The following TBC1D14 variants were observed in gnomAD, a reference collection of about 807,000 sequenced individuals.
TBC1D14 encodes TBC1 domain family, member 14.
A neutral mutation model predicts 79.0 loss-of-function variants in TBC1D14; 26 were observed. The observed-to-expected ratio is 0.33, with a 90% CI of 0.24 to 0.46. The LOEUF (loss-of-function observed/expected upper bound fraction) is 0.46, where lower values mean the gene tolerates loss of function less well. Among genes scored for constraint, TBC1D14 ranks in the 20% least tolerant of loss-of-function variants. The pLI, the probability that TBC1D14 is intolerant of heterozygous loss-of-function variation, is 1.00. For missense variants in TBC1D14, 769 were observed against 887.6 expected (o/e 0.87, Z 1.70); for synonymous variants, 394 against 349.9 (o/e 1.13, Z -1.40).
intron 2 of TBC1D14, among the ~76,000 whole-genome samples, chr4:6,945,572 A>G (rs1713355510): frequency 6.6e-6 from 1 of 151,976 alleles, no homozygotes; most frequent in South Asian, 2.1e-4. Context: ...AACATGGAGA[A>G]ACCCCGTCTC....
At chr4:7,027,027 A>G (rs1430946003) in intron 13 of TBC1D14, among the ~76,000 whole-genome samples, 2 of 152,196 alleles carry the variant, frequency 1.3e-5, no homozygotes, top group African/African-American at 4.8e-5. Flanking sequence ...CCTGGCCAAG[A>G]TGGTGAAAAC....
intron 12 of TBC1D14, among the ~76,000 whole-genome samples, chr4:7,017,708 C>T (rs1553873883): frequency 6.6e-6 from 1 of 152,204 alleles, no homozygotes; most frequent in Non-Finnish European, 1.5e-5. Flanking sequence ...GAAGTGCTGA[C>T]TGTGTTCTAG....
chr4:6,992,294 C>G (rs184947744), intron 3 of TBC1D14, among the ~76,000 whole-genome samples: 2 of 152,236 alleles, frequency 1.3e-5, no homozygotes, highest in Non-Finnish European at 2.9e-5. Context: ...GTGTAGGACT[C>G]GGGCTTTCCC....
At chr4:6,987,088 T>G in intron 3 of TBC1D14, 363 of 388,534 alleles carry the variant, frequency 9.3e-4, no homozygotes, top group East Asian at 4.0e-3. Context: ...GCCCCGCCCC[T>G]TGTGCCCGCC....
chr4:7,002,900 T>C (rs1719814178), intron 7 of TBC1D14, among the ~76,000 whole-genome samples: 1 of 152,170 alleles, frequency 6.6e-6, no homozygotes, highest in South Asian at 2.1e-4. Flanking sequence ...CATTTTCCTC[T>C]AGAGAAGGCT....
intron 1 of TBC1D14, chr4:6,910,313 C>T (rs545776682): frequency 3.3e-5 from 5 of 152,442 alleles, no homozygotes; most frequent in Non-Finnish European, 5.9e-5. Flanking sequence ...GCGCCAGACC[C>T]CGACCCCGGA....
intron 1 of TBC1D14, among the ~76,000 whole-genome samples, chr4:6,914,099 A>G (rs374098870): frequency 2.0e-5 from 3 of 150,234 alleles, no homozygotes; most frequent in African/African-American, 7.3e-5. Flanking sequence ...AAGATCATAC[A>G]TCTGTACTGC....
intron 2 of TBC1D14, among the ~76,000 whole-genome samples, chr4:6,930,734 G>T (rs528271739): frequency 1.3e-5 from 2 of 151,428 alleles, no homozygotes; most frequent in African/African-American, 4.9e-5. Flanking sequence ...AGAGGTAGAG[G>T]TTGCAGTGAA....
At chr4:6,928,902 AT>A (rs1305710182) in intron 2 of TBC1D14, among the ~76,000 whole-genome samples, 3 of 152,184 alleles carry the variant, frequency 2.0e-5, no homozygotes, top group African/African-American at 7.2e-5. Flanking sequence ...CAGCATGTTA[AT>A]GTCTAGTCTA....
intron 2 of TBC1D14, among the ~76,000 whole-genome samples, chr4:6,933,690 C>T (rs953990611): frequency 1.3e-5 from 2 of 152,010 alleles, no homozygotes; most frequent in African/African-American, 4.8e-5. Context: ...ATAGTTTATG[C>T]CTGTGTTCAA....
intron 13 of TBC1D14, among the ~76,000 whole-genome samples, chr4:7,029,004 A>T (rs1241452147): frequency 2.0e-5 from 3 of 151,914 alleles, no homozygotes; most frequent in Non-Finnish European, 4.4e-5. Context: ...TACCCAGCCA[A>T]TATTTGTTTG....
At chr4:6,949,470 G>A (rs955315538) in intron 2 of TBC1D14, among the ~76,000 whole-genome samples, 1 of 152,158 alleles carries the variant, frequency 6.6e-6, no homozygotes, top group African/African-American at 2.4e-5. Context: ...ATCACCTGAG[G>A]TCAAGAGTTG....
At chr4:7,019,940 G>T (rs79833272) in intron 12 of TBC1D14, among the ~76,000 whole-genome samples, 9,789 of 32,650 alleles carry the variant, frequency 0.3, 181 homozygotes, top group African/African-American at 0.39. Flanking sequence ...AGGACCCTGG[G>T]GCACAGAGGT....
intron 3 of TBC1D14, among the ~76,000 whole-genome samples, chr4:6,974,952 C>T (rs1390191095): frequency 1.3e-5 from 2 of 149,274 alleles, no homozygotes; most frequent in Admixed American, 1.3e-4. Flanking sequence ...TGCTCTGTTG[C>T]CCAGGCTGGA....
intron 12 of TBC1D14, among the ~76,000 whole-genome samples, chr4:7,018,624 T>A (rs2109289878): frequency 6.6e-6 from 1 of 152,316 alleles, no homozygotes; most frequent in Middle Eastern, 3.4e-3. Context: ...GTACGCTGCC[T>A]AACCAGTGGC....
At chr4:7,023,113 G>C (rs1253495430) in intron 12 of TBC1D14, among the ~76,000 whole-genome samples, 3 of 152,086 alleles carry the variant, frequency 2.0e-5, no homozygotes, top group Admixed American at 6.6e-5. Context: ...AATTAGCCGG[G>C]CATGGTCGTG....
chr4:7,024,482 C>CG (rs1722144202), intron 12 of TBC1D14, among the ~76,000 whole-genome samples: 1 of 152,246 alleles, frequency 6.6e-6, no homozygotes, highest in African/African-American at 2.4e-5. Context: ...CAGAGATTGC[C>CG]GGACAGGGCA....
rs549846045 is a variant in TBC1D14, at chr4:7,031,187, C to G, written c.*795C>G. 6.6e-6 allele frequency: 1 copy of G among 152,446 alleles called. No homozygotes were observed. The highest frequency in any genetic ancestry group is 2.4e-5 in the African/African-American group (1 of 41,576). The allele number at this position is 152,446 out of a possible 1,614,324, so 9.4% of individuals were successfully genotyped here. ...GAGAGAACACAGAGTGGAATCAGCCCCCTGTAAGTAAAAGGGTAGAGAAAG... is the reference window on the plus strand; with the variant it reads ...GAGAGAACACAGAGTGGAATCAGCCGCCTGTAAGTAAAAGGGTAGAGAAAG... On this transcript the variant is annotated 3_prime_UTR_variant, in exon 14 of 14. Coordinates refer to ENST00000409757, the MANE Select transcript of TBC1D14 (RefSeq NM_020773.3).
chr4:6,953,976 G>T (rs533103836), intron 2 of TBC1D14, among the ~76,000 whole-genome samples: 1 of 152,274 alleles, frequency 6.6e-6, no homozygotes, highest in African/African-American at 2.4e-5. Context: ...GGTCCCGGTG[G>T]GTTTTGTGCC....
Sources: allele counts gnomAD v4.1 joint callset (sites outside exome capture counted in the v4.1 genomes callset), GRCh38; gene constraint gnomAD v4.1.1; transcripts MANE v1.5; gene names NCBI Gene and HGNC (gene_info 2026-07-23, HGNC 2026-07-21).